Variants in CANT1 observed in about 807,000 individuals in gnomAD.
CANT1 encodes calcium activated nucleotidase 1.
Under a neutral mutation model 30.0 loss-of-function variants are expected in CANT1, and 26 were observed. The observed-to-expected ratio is 0.87, with a 90% confidence interval of 0.64 to 1.20. The LOEUF (loss-of-function observed/expected upper bound fraction) is 1.20, where lower values mean the gene tolerates loss of function less well. Among genes scored for constraint, CANT1 ranks in the 50% most tolerant of loss-of-function variants. CANT1 has a pLI of 0.00. For missense variants in CANT1, 518 were observed against 563.0 expected (o/e 0.92, Z 0.81); for synonymous variants, 246 against 251.8 (o/e 0.98, Z 0.22).
chr17:79,008,650 G>C lies in CANT1; in HGVS notation c.-147+1014C>G, dbSNP rs1352429558. 6.6e-6 allele frequency among the ~76,000 whole-genome samples: 1 copy of C among 152,206 alleles called. No individual in the cohort carries two copies. The highest frequency in any genetic ancestry group is 1.5e-5 in the Non-Finnish European group (1 of 68,038). ...TGGGAGAGAGATGTGTCTGCTGATG[G>C]AAGAGTGGTCACAGGTGCTCTGTGC... On this transcript the variant is annotated intron_variant, in intron 1 of 4. Transcript: ENST00000392446. This position sits in a 1 kb window ranked among gnomAD's most constrained non-coding sequence, Gnocchi z 4.4.
In CANT1 at chr17:78,997,684, G is replaced by C; in HGVS notation, c.-22-40C>G. 6.8e-7 allele frequency: 1 copy of C among 1,470,958 alleles called. No homozygotes were observed. Among genetic ancestry groups the C allele is most frequent in the Non-Finnish European group, 9.1e-7 (1 of 1,104,964 alleles). The allele number at this position is 1,470,958 out of a possible 1,614,324, so 91.1% of individuals were successfully genotyped here. ...AGGGAGGAGAGGAGTCAGCGCCTCC[G>C]CAAGCCCAGTCACATCTTAGTTCCG... On this transcript the variant is annotated intron_variant, in intron 2 of 4. Transcript: ENST00000392446. This position sits in a 1 kb window ranked among gnomAD's most constrained non-coding sequence, Gnocchi z 7.5.
intron 1 of CANT1, among the ~76,000 whole-genome samples, chr17:79,001,682 G>C (rs1171553499): frequency 6.6e-6 from 1 of 151,064 alleles, no homozygotes; most frequent in Non-Finnish European, 1.5e-5. Flanking sequence ...GGCAAACCCA[G>C]TGAGCACATT....
rs1277762940 is a variant in CANT1 at position 78,993,380 on chromosome 17, G to T, written c.*170C>A. The T allele has an allele frequency of 2.1e-6, 2 of 936,038 alleles. No homozygotes were observed. Among genetic ancestry groups the T allele is most frequent in the Admixed American group, 2.3e-5 (1 of 43,138 alleles). 58.0% of individuals were successfully genotyped at this position (936,038 alleles called of 1,614,324 possible). A position where few individuals can be genotyped will look rare whatever the true frequency, so the allele number is the denominator to read the frequency against. ...AGCAGTTCAGACCGCGGCCTCCGTG[G>T]GGCCCGGGGGTCCAGTGCCCGCACC... On this transcript the variant is annotated 3_prime_UTR_variant, in exon 5 of 5. Transcript: ENST00000392446. The surrounding 1 kb of genome is among the most constrained non-coding windows in gnomAD (Gnocchi z 4.5).
intron 1 of CANT1, among the ~76,000 whole-genome samples, chr17:79,007,390 A>G (rs555334356): frequency 6.6e-6 from 1 of 152,364 alleles, no homozygotes; most frequent in South Asian, 2.1e-4. Flanking sequence ...GGTACCATTC[A>G]ACAAACAATA....
chr17:79,004,969 T>G (rs561596387), intron 1 of CANT1, among the ~76,000 whole-genome samples: 1 of 690 alleles, frequency 1.4e-3, no homozygotes. Flanking sequence ...GTTAGGGAGA[T>G]GGGAGTTAGG....
At position 78,997,321 on chromosome 17, in the gene CANT1, G is replaced by C. The variant is rs1277938535; in HGVS notation, c.302C>G (p.Ala101Gly). The C allele has an allele frequency of 1.2e-6, 2 of 1,614,190 alleles. No homozygotes were observed. The highest frequency in any genetic ancestry group is 1.7e-6 in the Non-Finnish European group (2 of 1,180,038). The change falls in exon 3 of 5, where the codon GCT becomes GGT. Residue 101 changes from alanine (A) to glycine (G), a missense_variant. Ala to Gly is a moderately conservative substitution (Grantham distance 60). Around this residue, in one of 3 missense-constraint regions of CANT1, gnomAD observed 249 missense variants for 268.8 expected, o/e 0.93. Coordinates refer to ENST00000392446, the MANE Select transcript of CANT1 (RefSeq NM_001159773.2). The surrounding 1 kb of genome is among the most constrained non-coding windows in gnomAD (Gnocchi z 7.5). ...AACTGCGATTCGATACCGAATCCCA[G>C]CCGGTGTCCTTTGTGGGGGAGACAG... ...YPLSPPQRTP[A>G]GIRYRIAVIA...
In CANT1 at chr17:79,001,536, G is replaced by A. The variant is rs752999658; in HGVS notation, c.-146-3573C>T. On this transcript the variant is annotated intron_variant, in intron 1 of 4. Transcript: ENST00000392446. ...TGTTAATGAAGGAAAACCCTTCCCT[G>A]AGTCCCCGGCACCTCTGTCCCTTCC... 3.5e-4 allele frequency among the ~76,000 whole-genome samples: 53 copies of A among 152,168 alleles called. No individual in the cohort carries two copies. The Middle Eastern group carries it at 0.014, about 39-fold the overall frequency.
At position 78,996,010 on chromosome 17, in the gene CANT1, C is replaced by T. The variant is rs2071023547; in HGVS notation, c.632-789G>A. 6.6e-6 allele frequency among the ~76,000 whole-genome samples: 1 copy of T among 152,146 alleles called. No homozygotes were observed. Among genetic ancestry groups the T allele is most frequent in the Non-Finnish European group, 1.5e-5 (1 of 68,014 alleles). On this transcript the variant is annotated intron_variant, in intron 3 of 4. Transcript: ENST00000392446. The surrounding 1 kb of genome is among the most constrained non-coding windows in gnomAD (Gnocchi z 5.1). ...TGAGTACAGCCCAACCCCAGAGCTCCCTGTACCCCGCTTTCCTCCCTATCC... is the reference window on the plus strand; with the variant it reads ...TGAGTACAGCCCAACCCCAGAGCTCTCTGTACCCCGCTTTCCTCCCTATCC...
chr17:79,004,283 G>T (rs1317152274), intron 1 of CANT1, among the ~76,000 whole-genome samples: 1 of 38,150 alleles, frequency 2.6e-5, no homozygotes, highest in Non-Finnish European at 5.7e-5. Context: ...GTTAGGGAGG[G>T]GGGAGTTAGG....
intron 1 of CANT1, among the ~76,000 whole-genome samples, chr17:79,005,660 C>T (rs573694228): frequency 5.0e-4 from 76 of 152,228 alleles, no homozygotes; most frequent in Admixed American, 1.0e-3. Flanking sequence ...GCGCCAACCC[C>T]TTATCTCTGG....
chr17:78,994,377 A>C (rs915344439), intron 4 of CANT1, among the ~76,000 whole-genome samples: 2 of 152,186 alleles, frequency 1.3e-5, no homozygotes, highest in African/African-American at 4.8e-5. Flanking sequence ...CTCCATCCTG[A>C]CTAGGGGGAG....
In CANT1 at chr17:79,002,016, CCCAT is replaced by C. The variant is rs1398949199; in HGVS notation, c.-146-4057_-146-4054del. On this transcript the variant is annotated intron_variant, in intron 1 of 4. Transcript: ENST00000392446. This position sits in a 1 kb window ranked among gnomAD's most constrained non-coding sequence, Gnocchi z 4.0. ...CAGCTTGAGACTCGCTTCCCTTCTC[CCCAT>C]CCACACAGCCTCGGCTCCAGTTCCA... Among the ~76,000 whole-genome samples the C allele has an allele frequency of 1.3e-5, 2 of 152,116 alleles. No homozygotes were observed. The highest frequency in any genetic ancestry group is 4.8e-5 in the African/African-American group (2 of 41,416).
chr17:79,000,880 G>A (rs1247432335), intron 1 of CANT1, among the ~76,000 whole-genome samples: 2 of 152,212 alleles, frequency 1.3e-5, no homozygotes, highest in Non-Finnish European at 2.9e-5. Flanking sequence ...CCTGGGGCAG[G>A]GATCTGGCCA....
In CANT1 at chr17:78,993,365, A is replaced by G; in HGVS notation, c.*185T>C. On this transcript the variant is annotated 3_prime_UTR_variant, in exon 5 of 5. Transcript: ENST00000392446. This position sits in a 1 kb window ranked among gnomAD's most constrained non-coding sequence, Gnocchi z 4.5. Reference sequence around the variant, plus strand: ...GATGGCAGCATGGAAAGCAGTTCAGACCGCGGCCTCCGTGGGGCCCGGGGG... The same window carrying G: ...GATGGCAGCATGGAAAGCAGTTCAGGCCGCGGCCTCCGTGGGGCCCGGGGG... 1.3e-6 allele frequency: 1 copy of G among 775,314 alleles called. No homozygotes were observed. The highest frequency in any genetic ancestry group is 2.1e-6 in the Non-Finnish European group (1 of 479,020). The allele number at this position is 775,314 out of a possible 1,614,324, so 48.0% of individuals were successfully genotyped here. A position where few individuals can be genotyped will look rare whatever the true frequency, so the allele number is the denominator to read the frequency against.
Position 78,997,625 on chromosome 17 carries a change from G to C in CANT1, c.-3C>G, listed in dbSNP as rs1036405366. 5.7e-6 allele frequency: 9 copies of C among 1,568,328 alleles called. No homozygotes were observed. The highest frequency in any genetic ancestry group is 7.8e-6 in the Non-Finnish European group (9 of 1,156,378). On this transcript the variant is annotated 5_prime_UTR_variant, in exon 3 of 5. Transcript: ENST00000392446. The surrounding 1 kb of genome is among the most constrained non-coding windows in gnomAD (Gnocchi z 7.5). ...TGCTCAGACAGCTGCACGGGCATCA[G>C]CGTGACAGACAGGCGGGACCTGCAC...
At chr17:79,003,456 G>C (rs1289036770) in intron 1 of CANT1, among the ~76,000 whole-genome samples, 2 of 113,958 alleles carry the variant, frequency 1.8e-5, no homozygotes, top group East Asian at 6.3e-4. Context: ...TCGGGGGTGG[G>C]GGGTGGGGGG....
At chr17:79,001,958 C>T (rs2071278430) in intron 1 of CANT1, among the ~76,000 whole-genome samples, 1 of 152,040 alleles carries the variant, frequency 6.6e-6, no homozygotes, top group African/African-American at 2.4e-5. Context: ...TTCGTCCTAA[C>T]CCTCCTCCCT....
rs780275248 is a variant in CANT1 at position 78,995,351 on chromosome 17, C to G, written c.632-130G>C. On this transcript the variant is annotated intron_variant, in intron 3 of 4. Coordinates refer to ENST00000392446, the MANE Select transcript of CANT1 (RefSeq NM_001159773.2). This position sits in a 1 kb window ranked among gnomAD's most constrained non-coding sequence, Gnocchi z 5.7. ...CCCGCCCGGCTCCACACCTGCCTCC[C>G]CTCCGGCCCGCACCTGGCTCCCGCC... The G allele has an allele frequency of 6.4e-5, 65 of 1,009,162 alleles. No homozygotes were observed. Among genetic ancestry groups the G allele is most frequent in the Non-Finnish European group, 9.2e-5 (62 of 673,852 alleles). The allele number at this position is 1,009,162 out of a possible 1,614,324, so 62.5% of individuals were successfully genotyped here.
chr17:78,996,973 A>T lies in CANT1; in HGVS notation c.631+19T>A, dbSNP rs146613023. On this transcript the variant is annotated intron_variant, in intron 3 of 4. Coordinates refer to ENST00000392446, the MANE Select transcript of CANT1 (RefSeq NM_001159773.2). This position sits in a 1 kb window ranked among gnomAD's most constrained non-coding sequence, Gnocchi z 5.1. ...CCACTCCCCACCCACACCTCCATAAAACCTCAGGGTCCAGTTACCTTTCTC... is the reference window on the plus strand; with the variant it reads ...CCACTCCCCACCCACACCTCCATAATACCTCAGGGTCCAGTTACCTTTCTC... 121 of 1,613,244 alleles carry T rather than the reference A, an allele frequency of 7.5e-5. No homozygotes were observed. The Middle Eastern group carries it at 1.2e-3, about 15-fold the overall frequency.
Sources: gnomAD v4.1 joint callset for allele counts (sites outside exome capture counted in the v4.1 genomes callset) on GRCh38, gnomAD v4.1.1 for gene constraint, gnomAD v4.1.1 regional missense constraint, Gnocchi (gnomAD v3.1) non-coding constraint, MANE v1.5 for transcripts, NCBI Gene and HGNC (gene_info 2026-07-23, HGNC 2026-07-21) for gene names.